RARA: variants seen among roughly 807,000 people sequenced by gnomAD.
RARA encodes retinoic acid receptor alpha, also known as PML-DDX5-RARA fusion.
RARA carries 5 observed loss-of-function variants against 42.8 expected under a neutral mutation model. The ratio of observed to expected loss-of-function variants is 0.12; its 90% confidence interval spans 0.06 to 0.25. RARA has a LOEUF of 0.25. Among genes scored for constraint, RARA ranks in the 10% least tolerant of loss-of-function variants. The pLI is 1.00. For synonymous variants in RARA, 256 were observed against 259.5 expected (o/e 0.99, Z 0.13); for missense variants, 402 against 628.7 (o/e 0.64, Z 3.86).
At chr17:40,337,720 G>A (rs1001238832) in intron 2 of RARA, among the ~76,000 whole-genome samples, 7 of 152,276 alleles carry the variant, frequency 4.6e-5, no homozygotes, top group African/African-American at 1.4e-4. Context: ...TGTTTGCTTC[G>A]TGTGCCTAGA....
chr17:40,346,060 A>G (rs1478140617), intron 2 of RARA, among the ~76,000 whole-genome samples: 2 of 152,220 alleles, frequency 1.3e-5, no homozygotes, highest in African/African-American at 4.8e-5. Flanking sequence ...GTGGGCTAAA[A>G]GGAGGCCTTG....
intron 1 of RARA, among the ~76,000 whole-genome samples, chr17:40,315,171 TACAC>T (rs71355449): frequency 1.8e-4 from 14 of 76,568 alleles, no homozygotes; most frequent in South Asian, 9.4e-4. Context: ...TATATATATA[TACAC>T]ACACACACAC....
chr17:40,314,586 G>A (rs2033156880), intron 1 of RARA, among the ~76,000 whole-genome samples: 1 of 150,734 alleles, frequency 6.6e-6, no homozygotes, highest in Non-Finnish European at 1.5e-5. Flanking sequence ...GTGGTGAGGG[G>A]GCAGGGGCTG....
chr17:40,342,952 G>T, intron 2 of RARA: 1 of 1,516,930 alleles, frequency 6.6e-7, no homozygotes, highest in Non-Finnish European at 8.8e-7. Flanking sequence ...TGAGAGTCCC[G>T]GGGTGTAGTG....
intron 1 of RARA, among the ~76,000 whole-genome samples, chr17:40,315,688 G>T (rs777348762): frequency 7.2e-5 from 11 of 152,094 alleles, no homozygotes; most frequent in Non-Finnish European, 1.5e-4. Flanking sequence ...CAGCCTTGTT[G>T]TACTAGAAGT....
chr17:40,311,646 C>T (rs933353714), intron 1 of RARA, among the ~76,000 whole-genome samples: 9 of 152,234 alleles, frequency 5.9e-5, no homozygotes, highest in Non-Finnish European at 1.0e-4. Flanking sequence ...TTCCTCCCCT[C>T]CAAGATATTT....
At chr17:40,338,170 C>T (rs1041421853) in intron 2 of RARA, among the ~76,000 whole-genome samples, 1 of 152,214 alleles carries the variant, frequency 6.6e-6, no homozygotes, top group Non-Finnish European at 1.5e-5. Context: ...TGTGTCTACC[C>T]CATGCCAAGG....
At chr17:40,350,184 G>A in intron 4 of RARA, 2 of 505,664 alleles carry the variant, frequency 4.0e-6, no homozygotes, top group Non-Finnish European at 3.5e-6. Context: ...ACGTCTGGCT[G>A]TGTGTGCTTG....
chr17:40,352,322 C>A lies in RARA; in HGVS notation c.631-9C>A, dbSNP rs756906560. 6.3e-7 allele frequency: 1 copy of A among 1,591,584 alleles called. No individual in the cohort carries two copies. Among genetic ancestry groups the A allele is most frequent in the Non-Finnish European group, 8.6e-7 (1 of 1,166,304 alleles). ...GAGAAGAAGGCCCTCACTCTCCCTC[C>A]TCCCCCAGAACAACAGCTCAGAACA... On this transcript the variant is annotated splice_polypyrimidine_tract_variant and intron_variant, in intron 5 of 8. Transcript: ENST00000254066. The surrounding 1 kb of genome is among the most constrained non-coding windows in gnomAD (Gnocchi z 4.9).
chr17:40,347,713 C>G (rs145673048), intron 2 of RARA, among the ~76,000 whole-genome samples: 1 of 152,222 alleles, frequency 6.6e-6, no homozygotes, highest in Non-Finnish European at 1.5e-5. Context: ...CAGGGAGACA[C>G]CTCCTACTGT....
At chr17:40,330,592 C>A (rs1223622141) in intron 1 of RARA, among the ~76,000 whole-genome samples, 1 of 152,202 alleles carries the variant, frequency 6.6e-6, no homozygotes, top group Non-Finnish European at 1.5e-5. Context: ...ACTGTGGACC[C>A]TTTCCCCTCA....
intron 2 of RARA, chr17:40,342,613 C>G: frequency 6.7e-7 from 1 of 1,486,384 alleles, no homozygotes; most frequent in African/African-American, 1.4e-5. Flanking sequence ...CTCCTCTCCC[C>G]CAGCTGCTCT....
In RARA at chr17:40,330,635, G is replaced by A. The variant is rs139027300; in HGVS notation, c.-362-222G>A. Among the ~76,000 whole-genome samples the A allele has an allele frequency of 2.6e-5, 4 of 152,254 alleles. No individual in the cohort carries two copies. The East Asian group carries it at 7.7e-4, about 29-fold the overall frequency. ...GGGTGAGAGGCCCTCCAAGGTTCTG[G>A]GCTCTGTCCCTGTCTCCCCAGCCTG... On this transcript the variant is annotated intron_variant, in intron 1 of 8. Transcript: ENST00000254066.
Position 40,348,360 on chromosome 17 carries a change from C to T in RARA, c.223C>T (p.Pro75Ser). 1 of 1,612,366 alleles carries T rather than the reference C, an allele frequency of 6.2e-7. No individual in the cohort carries two copies. Among genetic ancestry groups the T allele is most frequent in the South Asian group, 1.1e-5 (1 of 90,846 alleles). ...SSSSEEIVPS[P>S]PSPPPLPRIY... Reference sequence around the variant, plus strand: ...CAGTTCTGAAGAGATAGTGCCCAGCCCTCCCTCGCCACCCCCTCTACCCCG... The same window carrying T: ...CAGTTCTGAAGAGATAGTGCCCAGCTCTCCCTCGCCACCCCCTCTACCCCG... The change falls in exon 3 of 9, where the codon CCT (proline) becomes TCT (serine). Residue 75 changes from proline to serine, a missense_variant. Physicochemically the swap from Pro to Ser is moderately conservative, Grantham distance 74 (BLOSUM62 -1). Transcript: ENST00000254066.
At chr17:40,340,126 C>T (rs899062793) in intron 2 of RARA, among the ~76,000 whole-genome samples, 1 of 152,060 alleles carries the variant, frequency 6.6e-6, no homozygotes, top group African/African-American at 2.4e-5. Flanking sequence ...CCCCCACCCC[C>T]CCACGTTATT....
At position 40,355,528 on chromosome 17, in the gene RARA, C is replaced by T. The variant is rs1428449964; in HGVS notation, c.1171+107C>T. On this transcript the variant is annotated intron_variant, in intron 8 of 8. Transcript: ENST00000254066. The surrounding 1 kb of genome is among the most constrained non-coding windows in gnomAD (Gnocchi z 4.1). Reference sequence around the variant, plus strand: ...TGTGCCAGGACAATACGACACCTGTCCCCATCTGTGTCTAGGCTGAGGTCC... The same window carrying T: ...TGTGCCAGGACAATACGACACCTGTTCCCATCTGTGTCTAGGCTGAGGTCC... The T allele has an allele frequency of 5.0e-6, 7 of 1,404,754 alleles. No homozygotes were observed. Among genetic ancestry groups the T allele is most frequent in the Non-Finnish European group, 3.8e-6 (4 of 1,047,802 alleles). 87.0% of individuals were successfully genotyped at this position (1,404,754 alleles called of 1,614,324 possible).
At chr17:40,314,808 C>A (rs1401256433) in intron 1 of RARA, among the ~76,000 whole-genome samples, 1 of 151,478 alleles carries the variant, frequency 6.6e-6, no homozygotes, top group African/African-American at 2.4e-5. Context: ...CCTGGCATCT[C>A]CCCCGGATGC....
chr17:40,349,778 A>AC lies in RARA; in HGVS notation c.328-3dup. 1 of 1,613,926 alleles carries AC rather than the reference A, an allele frequency of 6.2e-7. No individual in the cohort carries two copies. Among genetic ancestry groups the AC allele is most frequent in the Non-Finnish European group, 8.5e-7 (1 of 1,179,896 alleles). ...GACAACCTGACTCCCTCCCCTCCAT[A>AC]CCCAGGGCTTCTTCCGCCGCAGCAT... On this transcript the variant is annotated splice_polypyrimidine_tract_variant and splice_region_variant and intron_variant, in intron 3 of 8. Coordinates refer to ENST00000254066, the MANE Select transcript of RARA (RefSeq NM_000964.4).
chr17:40,326,983 A>C lies in RARA; in HGVS notation c.-362-3874A>C, dbSNP rs779683148. On this transcript the variant is annotated intron_variant, in intron 1 of 8. Coordinates refer to ENST00000254066, the MANE Select transcript of RARA (RefSeq NM_000964.4). The surrounding 1 kb of genome is among the most constrained non-coding windows in gnomAD (Gnocchi z 5.2). ...TGACCTTTAGCCCTCCTGCGGCTCA[A>C]GGCCCTCCCCAGGGAGCTGAGTAAA... 4.6e-4 allele frequency among the ~76,000 whole-genome samples: 70 copies of C among 152,254 alleles called. No individual in the cohort carries two copies. The highest frequency in any genetic ancestry group is 8.4e-4 in the Non-Finnish European group (57 of 68,016).
Sources: gnomAD v4.1 joint callset for allele counts (sites outside exome capture counted in the v4.1 genomes callset) on GRCh38, gnomAD v4.1.1 for gene constraint, Gnocchi (gnomAD v3.1) non-coding constraint, MANE v1.5 for transcripts, NCBI Gene and HGNC (gene_info 2026-07-23, HGNC 2026-07-21) for gene names.